Variants in AGXT2 observed in about 807,000 individuals in gnomAD.
AGXT2 encodes alanine--glyoxylate aminotransferase 2, also known as alanine--glyoxylate aminotransferase 2, mitochondrial.
A neutral mutation model predicts 62.5 loss-of-function variants in AGXT2; 61 were observed. The ratio of observed to expected loss-of-function variants is 0.98; its 90% CI spans 0.79 to 1.21. AGXT2 has a LOEUF of 1.21. AGXT2 is among the 50% of genes most tolerant of loss of function. AGXT2 has a pLI of 0.00. For synonymous variants in AGXT2, 243 were observed against 218.7 expected, an observed-to-expected ratio of 1.11 and a Z score of -0.98; for missense variants, 666 against 641.5, an observed-to-expected ratio of 1.04 and a Z score of -0.41.
chr5:35,040,496 T>A, intron 2 of AGXT2, 79 bp downstream of exon 2: 1 of 1,362,084 alleles, frequency 7.3e-7, no homozygotes, highest in Non-Finnish European at 1.1e-6. Context: ...TATTTTTGTG[T>A]CATTCTTAAG....
chr5:35,023,737 T>C (rs536315233), intron 9 of AGXT2, among the ~76,000 whole-genome samples: 1 of 152,336 alleles, frequency 6.6e-6, no homozygotes, highest in South Asian at 2.1e-4. Context: ...AGGAGCAGGC[T>C]GGCCCAAGTT....
intron 12 of AGXT2, among the ~76,000 whole-genome samples, chr5:35,007,171 T>A (rs1229635054): frequency 6.6e-6 from 1 of 152,142 alleles, no homozygotes; most frequent in Non-Finnish European, 1.5e-5. Flanking sequence ...TTTTGCCTCA[T>A]TTACTAGGTG....
intron 8 of AGXT2, 58 bp from the exon 9 acceptor site, chr5:35,025,913 A>G (rs2112243447): frequency 2.7e-6 from 4 of 1,482,090 alleles, no homozygotes; most frequent in Non-Finnish European, 3.8e-6. Context: ...TTCAAAGTAT[A>G]TAAAAAAGTT....
rs755015773 is a variant in AGXT2 at position 35,014,004 on chromosome 5, G to A, written c.1079C>T (p.Ala360Val). Reference sequence around the variant, plus strand: ...GGTCCTACCTGGAGTGGTTATGACTGCTGCCATGGGAAAGCCATTCCCAAT... The same window carrying A: ...GGTCCTACCTGGAGTGGTTATGACTACTGCCATGGGAAAGCCATTCCCAAT... Reference protein sequence around the residue: ...KGIGNGFPMAAVITTPEIAKS... With the variant: ...KGIGNGFPMAVVITTPEIAKS... The change falls in exon 10 of 14, where the codon GCA becomes GTA. Residue 360 changes from alanine (A) to valine (V), a missense_variant. Physicochemically the swap from Ala to Val is moderately conservative, Grantham distance 64. Coordinates refer to ENST00000231420, the MANE Select transcript of AGXT2 (RefSeq NM_031900.4). The A allele has an allele frequency of 9.9e-6, 16 of 1,613,906 alleles. No individual in the cohort carries two copies. The highest frequency in any genetic ancestry group is 6.7e-5 in the East Asian group (3 of 44,876).
chr5:35,032,460 G>C (rs1767603415), intron 7 of AGXT2, among the ~76,000 whole-genome samples: 1 of 152,190 alleles, frequency 6.6e-6, no homozygotes, highest in Admixed American at 6.5e-5. Flanking sequence ...CTTGAATCAA[G>C]TACCAGCTGA....
intron 11 of AGXT2, among the ~76,000 whole-genome samples, chr5:35,011,915 TACAC>T (rs57016954): frequency 0.31 from 43,862 of 140,620 alleles, 6,757 homozygotes; most frequent in South Asian, 0.42. Flanking sequence ...ATGTGGTGTA[TACAC>T]ACACACACAC....
chr5:35,015,369 G>A (rs11952304), intron 9 of AGXT2, among the ~76,000 whole-genome samples: 3 of 152,126 alleles, frequency 2.0e-5, no homozygotes, highest in Non-Finnish European at 2.9e-5. Flanking sequence ...ATTAAATAAA[G>A]CCATACAAAC....
intron 1 of AGXT2, among the ~76,000 whole-genome samples, chr5:35,044,870 G>T (rs535754274): frequency 6.6e-6 from 1 of 152,320 alleles, no homozygotes; most frequent in Non-Finnish European, 1.5e-5. Context: ...CTGCCTGGAG[G>T]GGTGTAGATG....
chr5:35,037,402 G>A (rs1033185031), intron 3 of AGXT2, among the ~76,000 whole-genome samples: 2 of 152,122 alleles, frequency 1.3e-5, no homozygotes, highest in Non-Finnish European at 2.9e-5. Context: ...GAAGAGTTTG[G>A]AAAAAGAGAT....
At chr5:35,036,098 T>G (rs71615838) in intron 4 of AGXT2, among the ~76,000 whole-genome samples, 12,256 of 148,964 alleles carry the variant, frequency 0.082, 685 homozygotes, top group Non-Finnish European at 0.12. Flanking sequence ...AAAAAGCAAG[T>G]AAACAAAAAA....
rs1160217183 is a variant in AGXT2, at chr5:35,007,629, G to T, written c.1338+2371C>A. Among the ~76,000 whole-genome samples, 3 of 152,194 alleles carry T rather than the reference G, an allele frequency of 2.0e-5. No individual in the cohort carries two copies. The East Asian group carries it at 5.8e-4, about 29-fold the overall frequency. On this transcript the variant is annotated intron_variant, in intron 12 of 13. Transcript: ENST00000231420. The stretch of plus-strand genomic sequence containing the variant: ...GTGAGTAGAATTAGGGGATGTAGGA[G>T]CTGGGATTTAAATCCAGGTGGTCTG...
chr5:35,008,045 A>C (rs1322843139), intron 12 of AGXT2, among the ~76,000 whole-genome samples: 1 of 152,104 alleles, frequency 6.6e-6, no homozygotes, highest in East Asian at 1.9e-4. Context: ...TGAGGCCCTC[A>C]TCAGATGCAG....
intron 12 of AGXT2, among the ~76,000 whole-genome samples, chr5:35,006,341 A>T (rs1312851531): frequency 2.0e-5 from 3 of 152,124 alleles, no homozygotes; most frequent in African/African-American, 7.2e-5. Flanking sequence ...AATACCTGAG[A>T]CTGGGTAATT....
At position 35,040,625 on chromosome 5, in the gene AGXT2, GA is replaced by G. The variant is rs1767947966; in HGVS notation, c.126del (p.His43IlefsTer36). Reference sequence around the variant, plus strand: ...CATGGAGGCATTCTGGGCTTTGTATGAAGACTGAGCTTGGTTACTGATGTCC... The same window carrying G: ...CATGGAGGCATTCTGGGCTTTGTATGAGACTGAGCTTGGTTACTGATGTCC... ...TSRTSVTKLS[L>X]HTKPRMPPCD... On this transcript the variant is annotated frameshift_variant, in exon 2 of 14. Coordinates refer to ENST00000231420, the MANE Select transcript of AGXT2 (RefSeq NM_031900.4). LOFTEE classifies it high-confidence loss of function. The G allele has an allele frequency of 6.2e-7, 1 of 1,613,904 alleles. No individual in the cohort carries two copies.
rs769572652 is a variant in AGXT2 at position 35,010,198 on chromosome 5, T to C, written c.1189-49A>G. The C allele has an allele frequency of 6.2e-6, 10 of 1,611,518 alleles. No homozygotes were observed. In the African/African-American group the frequency reaches 6.7e-5, roughly 11 times the overall value. ...ATCTTACATGGCAGAAGTTCTAAGA[T>C]TGACTGAGAATCGTGGAGAAGTCAT... On this transcript the variant is annotated intron_variant, in intron 11 of 13. Transcript: ENST00000231420.
At chr5:35,033,725 T>C (rs560422026) in intron 5 of AGXT2, among the ~76,000 whole-genome samples, 172 bp from the exon 6 acceptor site, 1 of 91,688 alleles carries the variant, frequency 1.1e-5, no homozygotes, top group East Asian at 2.7e-4. Flanking sequence ...AATAGTCTTT[T>C]CTAACTGTTG....
chr5:35,041,520 C>T (rs1263567620), intron 1 of AGXT2, among the ~76,000 whole-genome samples: 1 of 152,096 alleles, frequency 6.6e-6, no homozygotes, highest in Non-Finnish European at 1.5e-5. Context: ...CAGACTTTGG[C>T]CCCCCTGCAG....
chr5:35,041,709 G>C (rs1767997545), intron 1 of AGXT2, among the ~76,000 whole-genome samples: 1 of 152,208 alleles, frequency 6.6e-6, no homozygotes, highest in Non-Finnish European at 1.5e-5. Context: ...AGGTTTGAAT[G>C]CATGAAAGAA....
intron 10 of AGXT2, among the ~76,000 whole-genome samples, 187 bp downstream of exon 10, chr5:35,013,800 A>G (rs1448203902): frequency 6.0e-5 from 4 of 66,720 alleles, no homozygotes; most frequent in African/African-American, 4.0e-4. Context: ...AAAAAAAAAA[A>G]GGGCTGGCTT....
Sources: allele counts gnomAD v4.1 joint callset (sites outside exome capture counted in the v4.1 genomes callset), GRCh38; gene constraint gnomAD v4.1.1; transcripts MANE v1.5; gene names NCBI Gene and HGNC (gene_info 2026-07-23, HGNC 2026-07-21).